LRRC8D: variants seen among roughly 807,000 people sequenced by gnomAD.
LRRC8D encodes the protein volume-regulated anion channel subunit LRRC8D.
A neutral mutation model predicts 55.8 loss-of-function variants in LRRC8D; 20 were observed. The ratio of observed to expected loss-of-function variants is 0.36; its 90% CI spans 0.25 to 0.52. The LOEUF (loss-of-function observed/expected upper bound fraction) is 0.52, where lower values mean the gene tolerates loss of function less well. LRRC8D is among the 20% of genes least tolerant of loss of function. The pLI, the probability that LRRC8D is intolerant of heterozygous loss-of-function variation, is 0.93. For missense variants in LRRC8D, 651 were observed against 1,030.8 expected, an observed-to-expected ratio of 0.63 and a Z score of 5.05; for synonymous variants, 352 against 377.0, an observed-to-expected ratio of 0.93 and a Z score of 0.77.
intron 2 of LRRC8D, among the ~76,000 whole-genome samples, chr1:89,870,687 T>C (rs1661985606): frequency 6.6e-6 from 1 of 152,164 alleles, no homozygotes; most frequent in African/African-American, 2.4e-5. Flanking sequence ...CCTCCCCACC[T>C]TCCCCTCAGA....
rs137911792 is a variant in LRRC8D at position 89,923,215 on chromosome 1, G to A, written c.-2-9852G>A. On this transcript the variant is annotated intron_variant, in intron 2 of 2. Coordinates refer to ENST00000337338, the MANE Select transcript of LRRC8D (RefSeq NM_001134479.2). ...TGTGCCATTGACAAGGAGAAGCTTT[G>A]GAATGTGAAATCCACTTCCGCATAA... Among the ~76,000 whole-genome samples the A allele has an allele frequency of 2.6e-3, 393 of 152,226 alleles. 1 individual carries two copies. Among genetic ancestry groups the A allele is most frequent in the African/African-American group, 9.1e-3 (378 of 41,534 alleles).
chr1:89,826,790 A>T (rs529306029), intron 1 of LRRC8D, among the ~76,000 whole-genome samples: 1 of 152,214 alleles, frequency 6.6e-6, no homozygotes, highest in African/African-American at 2.4e-5. Flanking sequence ...AGGTTTGCAG[A>T]TGACAGCTTT....
At chr1:89,846,353 CT>C (rs1661281349) in intron 2 of LRRC8D, among the ~76,000 whole-genome samples, 1 of 147,082 alleles carries the variant, frequency 6.8e-6, no homozygotes, top group South Asian at 2.1e-4. Flanking sequence ...GAGCTAAACT[CT>C]TCTTGCTCCT....
At chr1:89,900,525 AC>A (rs1166981872) in intron 2 of LRRC8D, among the ~76,000 whole-genome samples, 4 of 151,340 alleles carry the variant, frequency 2.6e-5, no homozygotes, top group African/African-American at 9.8e-5. Context: ...AAAAAAAAAA[AC>A]TGACTAAAAA....
chr1:89,830,463 A>G (rs1022502060), intron 1 of LRRC8D, among the ~76,000 whole-genome samples: 2 of 152,238 alleles, frequency 1.3e-5, no homozygotes, highest in Non-Finnish European at 2.9e-5. Context: ...TAACTTATTT[A>G]TACCTGCTAA....
At chr1:89,894,337 A>T (rs1399463296) in intron 2 of LRRC8D, among the ~76,000 whole-genome samples, 1 of 151,938 alleles carries the variant, frequency 6.6e-6, no homozygotes, top group East Asian at 1.9e-4. Context: ...CATATTACTC[A>T]CTCTCCATCT....
rs116706162 is a variant in LRRC8D, at chr1:89,841,455, G to A, written c.-147-2183G>A. On this transcript the variant is annotated intron_variant, in intron 1 of 2. Coordinates refer to ENST00000337338, the MANE Select transcript of LRRC8D (RefSeq NM_001134479.2). ...CTTAATCACCTTTTCATTTGGTTGC[G>A]TCAGGAGCCTCATAGCAGCATGCTA... 8.9e-3 allele frequency among the ~76,000 whole-genome samples: 1,328 copies of A among 149,700 alleles called. 26 individuals are homozygous for A. The highest frequency in any genetic ancestry group is 0.031 in the African/African-American group (1,262 of 40,572).
chr1:89,846,192 G>A (rs761677238), intron 2 of LRRC8D, among the ~76,000 whole-genome samples: 1 of 152,012 alleles, frequency 6.6e-6, no homozygotes, highest in Non-Finnish European at 1.5e-5. Context: ...AACAGCTTTT[G>A]TGAGCCTCCA....
chr1:89,822,742 C>G lies in LRRC8D; in HGVS notation c.-148+1451C>G, dbSNP rs142422035. 3.1e-3 allele frequency among the ~76,000 whole-genome samples: 479 copies of G among 152,238 alleles called. 1 individual carries two copies. Among genetic ancestry groups the G allele is most frequent in the African/African-American group, 0.011 (459 of 41,532 alleles). ...TCTGGGACCTCTGCTTCTTACAGAC[C>G]TGTGGGAAGAACCCTGCACCATATC... On this transcript the variant is annotated intron_variant, in intron 1 of 2. Coordinates refer to ENST00000337338, the MANE Select transcript of LRRC8D (RefSeq NM_001134479.2).
intron 2 of LRRC8D, among the ~76,000 whole-genome samples, chr1:89,862,979 TTTG>T (rs1322760933): frequency 7.2e-5 from 11 of 152,338 alleles, no homozygotes; most frequent in African/African-American, 2.4e-4. Flanking sequence ...CTTTTAGTTC[TTTG>T]TTATTATAAA....
chr1:89,897,030 T>A (rs1247500281), intron 2 of LRRC8D, among the ~76,000 whole-genome samples: 1 of 152,168 alleles, frequency 6.6e-6, no homozygotes, highest in East Asian at 1.9e-4. Flanking sequence ...AATAATTTAC[T>A]TGAAGTCAGC....
chr1:89,821,471 TG>T (rs1159745789), intron 1 of LRRC8D, among the ~76,000 whole-genome samples, 180 bp downstream of exon 1: 1 of 151,770 alleles, frequency 6.6e-6, no homozygotes, highest in East Asian at 2.0e-4. Flanking sequence ...GCGAGCGGAG[TG>T]GGCTCCCGTT....
intron 1 of LRRC8D, among the ~76,000 whole-genome samples, chr1:89,839,816 C>T (rs1284101716): frequency 1.3e-5 from 2 of 152,148 alleles, no homozygotes; most frequent in Non-Finnish European, 2.9e-5. Flanking sequence ...TTTTTATTTT[C>T]TTGTTTGTAA....
chr1:89,824,797 A>G (rs1355011022), intron 1 of LRRC8D, among the ~76,000 whole-genome samples: 4 of 152,202 alleles, frequency 2.6e-5, no homozygotes, highest in African/African-American at 4.8e-5. Context: ...CTGGAATTGA[A>G]TATGTAATTG....
At chr1:89,896,722 GATA>G (rs1662723383) in intron 2 of LRRC8D, among the ~76,000 whole-genome samples, 1 of 152,270 alleles carries the variant, frequency 6.6e-6, no homozygotes, top group Non-Finnish European at 1.5e-5. Flanking sequence ...CACTAGTGAT[GATA>G]ATAATTACTC....
At chr1:89,892,655 GC>G (rs1662609464) in intron 2 of LRRC8D, among the ~76,000 whole-genome samples, 1 of 152,090 alleles carries the variant, frequency 6.6e-6, no homozygotes, top group Non-Finnish European at 1.5e-5. Flanking sequence ...AGTAGCTGGG[GC>G]TATAGGCGCC....
At chr1:89,855,093 A>G (rs771803078) in intron 2 of LRRC8D, among the ~76,000 whole-genome samples, 1 of 151,940 alleles carries the variant, frequency 6.6e-6, no homozygotes, top group African/African-American at 2.4e-5. Flanking sequence ...TCTTTTTTCT[A>G]GGCTCATTTC....
intron 2 of LRRC8D, among the ~76,000 whole-genome samples, chr1:89,883,148 G>T (rs35688470): frequency 6.6e-6 from 1 of 152,048 alleles, no homozygotes; most frequent in South Asian, 2.1e-4. Context: ...GCATGATCAC[G>T]CCTGTGAATA....
At chr1:89,867,951 T>G (rs1290230154) in intron 2 of LRRC8D, among the ~76,000 whole-genome samples, 3 of 152,210 alleles carry the variant, frequency 2.0e-5, no homozygotes, top group East Asian at 3.8e-4. Context: ...GCCCTCATTG[T>G]AAGGACTGAC....
Sources: gnomAD v4.1 joint callset for allele counts (sites outside exome capture counted in the v4.1 genomes callset) on GRCh38, gnomAD v4.1.1 for gene constraint, MANE v1.5 for transcripts, NCBI Gene and HGNC (gene_info 2026-07-23, HGNC 2026-07-21) for gene names.